SPSB4: variants seen among roughly 807,000 people sequenced by gnomAD.
The protein encoded by SPSB4 is SPRY domain-containing SOCS box protein 4.
A neutral mutation model predicts 20.9 loss-of-function variants in SPSB4; 21 were observed. That is an observed-to-expected ratio of 1.01 (90% CI 0.71 to 1.45). The LOEUF (loss-of-function observed/expected upper bound fraction) is 1.45. SPSB4 is among the 40% of genes most tolerant of loss of function. SPSB4 has a pLI of 0.00. For missense variants in SPSB4, 399 were observed against 399.2 expected (o/e 1.00, Z 0.00); for synonymous variants, 207 against 183.8 (o/e 1.13, Z -1.02).
At chr3:141,143,537 G>A (rs116339386) in intron 2 of SPSB4, among the ~76,000 whole-genome samples, 4,976 of 152,332 alleles carry the variant, frequency 0.033, 132 homozygotes, top group Non-Finnish European at 0.052. Context: ...GAGTGAAGTA[G>A]ACTCTGTGAG....
In SPSB4 at chr3:141,051,481, A is replaced by G. The variant is rs11706047; in HGVS notation, c.-665A>G. ...GCGGCCGGCGCGCCCCGCGCACAAA[A>G]GCACCCAGCCCCAGGGGAGGGCGAT... On this transcript the variant is annotated 5_prime_UTR_variant, in exon 1 of 3. Transcript: ENST00000310546. 1 allele frequency: 153,215 copies of G among 153,284 alleles called. 76,573 individuals are homozygous for G. The highest frequency in any genetic ancestry group is 1 in the Non-Finnish European group (68,450 of 68,450). 9.5% of individuals were successfully genotyped at this position (153,284 alleles called of 1,614,324 possible). A position where few individuals can be genotyped will look rare whatever the true frequency, so the allele number is the denominator to read the frequency against.
intron 1 of SPSB4, among the ~76,000 whole-genome samples, chr3:141,056,180 A>C (rs1937634768): frequency 6.6e-6 from 1 of 152,196 alleles, no homozygotes; most frequent in South Asian, 2.1e-4. Context: ...AGCAGTGCCA[A>C]AGTCATCCAT....
intron 2 of SPSB4, among the ~76,000 whole-genome samples, chr3:141,119,286 CTGTT>C (rs1158858595): frequency 1.3e-5 from 2 of 152,156 alleles, no homozygotes; most frequent in African/African-American, 2.4e-5. Context: ...ATTTGGCTCT[CTGTT>C]TGTCTGTTGT....
At chr3:141,130,335 C>T (rs1161689008) in intron 2 of SPSB4, among the ~76,000 whole-genome samples, 3 of 152,158 alleles carry the variant, frequency 2.0e-5, no homozygotes, top group Admixed American at 1.3e-4. Flanking sequence ...TGAGGGGAGT[C>T]TCAGGGGCAT....
At chr3:141,122,060 G>A (rs1184942874) in intron 2 of SPSB4, among the ~76,000 whole-genome samples, 4 of 152,162 alleles carry the variant, frequency 2.6e-5, no homozygotes, top group South Asian at 2.1e-4. Context: ...TTTTATCTAC[G>A]TTTGGTTTTT....
At chr3:141,064,153 T>G (rs1028666187) in intron 1 of SPSB4, among the ~76,000 whole-genome samples, 5 of 152,278 alleles carry the variant, frequency 3.3e-5, no homozygotes, top group Non-Finnish European at 7.3e-5. Context: ...CTCTGCCAGC[T>G]TTGTCTGAGA....
intron 2 of SPSB4, among the ~76,000 whole-genome samples, chr3:141,101,331 A>G (rs765501996): frequency 4.6e-5 from 7 of 152,178 alleles, no homozygotes; most frequent in Admixed American, 1.3e-4. Context: ...GTCAGGAGAG[A>G]CAGACCTGGC....
At chr3:141,133,858 T>A (rs1939176407) in intron 2 of SPSB4, among the ~76,000 whole-genome samples, 1 of 152,052 alleles carries the variant, frequency 6.6e-6, no homozygotes, top group South Asian at 2.1e-4. Flanking sequence ...TGCATTGAAT[T>A]TGTAGATTGC....
At chr3:141,124,575 T>C (rs1279806204) in intron 2 of SPSB4, among the ~76,000 whole-genome samples, 3 of 152,206 alleles carry the variant, frequency 2.0e-5, no homozygotes, top group African/African-American at 7.2e-5. Context: ...GAGGCTGCGT[T>C]CATAATGGAG....
intron 1 of SPSB4, among the ~76,000 whole-genome samples, chr3:141,061,239 ATACCAATTTT>A (rs550091464): frequency 2.0e-5 from 3 of 152,320 alleles, no homozygotes; most frequent in South Asian, 4.1e-4. Context: ...AAGGCCCATT[ATACCAATTTT>A]TAAAAAGAAA....
At chr3:141,134,699 A>G (rs1939196052) in intron 2 of SPSB4, among the ~76,000 whole-genome samples, 1 of 152,116 alleles carries the variant, frequency 6.6e-6, no homozygotes, top group South Asian at 2.1e-4. Context: ...CTTTTTTGAT[A>G]TGCTGCCGAA....
chr3:141,135,434 G>A (rs1939210780), intron 2 of SPSB4, among the ~76,000 whole-genome samples: 1 of 151,786 alleles, frequency 6.6e-6, no homozygotes, highest in South Asian at 2.1e-4. Flanking sequence ...CCATGTTGGT[G>A]TGCTGCACCC....
chr3:141,066,894 C>T (rs573536585), intron 2 of SPSB4, 96 bp downstream of exon 2: 5 of 1,267,768 alleles, frequency 3.9e-6, no homozygotes, highest in Non-Finnish European at 5.2e-6. Flanking sequence ...TGGGAGGATC[C>T]TGCAATGTGG....
chr3:141,056,260 C>T (rs1000897130), intron 1 of SPSB4, among the ~76,000 whole-genome samples: 6 of 152,228 alleles, frequency 3.9e-5, no homozygotes, highest in African/African-American at 9.6e-5. Flanking sequence ...AGTGAGTGGG[C>T]CTTGGCCCGG....
intron 1 of SPSB4, among the ~76,000 whole-genome samples, chr3:141,065,522 G>C (rs1017778124): frequency 6.6e-6 from 1 of 152,214 alleles, no homozygotes; most frequent in Non-Finnish European, 1.5e-5. Flanking sequence ...CTCTGACCTT[G>C]AGCAAGTCAC....
chr3:141,128,674 T>C (rs1939087274), intron 2 of SPSB4, among the ~76,000 whole-genome samples: 1 of 151,842 alleles, frequency 6.6e-6, no homozygotes, highest in African/African-American at 2.4e-5. Flanking sequence ...GTTTTCTGTA[T>C]GTGGAGTGGC....
intron 2 of SPSB4, among the ~76,000 whole-genome samples, chr3:141,091,919 G>T (rs1394264641): frequency 6.6e-6 from 1 of 152,202 alleles, no homozygotes; most frequent in African/African-American, 2.4e-5. Context: ...AGCAGGTAGA[G>T]CTCATTCCCT....
At chr3:141,145,690 T>G (rs956393678) in intron 2 of SPSB4, among the ~76,000 whole-genome samples, 4 of 152,186 alleles carry the variant, frequency 2.6e-5, no homozygotes, top group Non-Finnish European at 4.4e-5. Flanking sequence ...GGTTCAGGCT[T>G]CCAGCATACT....
At chr3:141,118,848 A>G (rs1360954708) in intron 2 of SPSB4, among the ~76,000 whole-genome samples, 1 of 152,128 alleles carries the variant, frequency 6.6e-6, no homozygotes, top group African/African-American at 2.4e-5. Flanking sequence ...CCATTGATCT[A>G]TATATCTGTT....
Sources: gnomAD v4.1 joint callset for allele counts (sites outside exome capture counted in the v4.1 genomes callset) on GRCh38, gnomAD v4.1.1 for gene constraint, MANE v1.5 for transcripts, NCBI Gene and HGNC (gene_info 2026-07-23, HGNC 2026-07-21) for gene names.